Variants in PRKCQ observed in about 807,000 individuals in gnomAD.
The protein encoded by PRKCQ is protein kinase C theta type.
A neutral mutation model predicts 91.2 loss-of-function variants in PRKCQ; 41 were observed. That is an observed-to-expected ratio of 0.45 (90% confidence interval 0.35 to 0.58). PRKCQ has a LOEUF of 0.58. PRKCQ is among the 20% of genes least tolerant of loss of function. PRKCQ has a pLI of 0.00. For missense variants in PRKCQ, 673 were observed against 896.5 expected (o/e 0.75, Z 3.18); for synonymous variants, 307 against 316.9 (o/e 0.97, Z 0.33).
chr10:6,401,728 G>A, the PRKCQ span, among the ~76,000 whole-genome samples: 27 of 152,232 alleles, frequency 1.8e-4, no homozygotes, highest in African/African-American at 6.3e-4. Flanking sequence ...CTGTTGACCC[G>A]CCGTCTCTTT....
chr10:6,546,155 G>A (rs1047923650), intron 1 of PRKCQ, among the ~76,000 whole-genome samples: 9 of 152,194 alleles, frequency 5.9e-5, no homozygotes, highest in Non-Finnish European at 1.2e-4. Context: ...ATATCTAACT[G>A]CAAATGTTAG....
At chr10:6,505,515 TC>T (rs1838153385) in intron 4 of PRKCQ, among the ~76,000 whole-genome samples, 1 of 106,176 alleles carries the variant, frequency 9.4e-6, no homozygotes, top group Non-Finnish European at 2.3e-5. Flanking sequence ...CTTCCTTCCT[TC>T]CTTTTCTTTC....
chr10:6,395,174 C>T, the PRKCQ span, among the ~76,000 whole-genome samples: 2 of 151,222 alleles, frequency 1.3e-5, no homozygotes, highest in Non-Finnish European at 2.9e-5. Context: ...CGCCATTCTC[C>T]CGCTTCAGCC....
the PRKCQ span, among the ~76,000 whole-genome samples, chr10:6,419,254 TG>T: frequency 6.6e-6 from 1 of 152,222 alleles, no homozygotes; most frequent in African/African-American, 2.4e-5. Context: ...TGTGTACATA[TG>T]TGTATACGTG....
intron 4 of PRKCQ, among the ~76,000 whole-genome samples, chr10:6,501,931 C>T (rs1319151214): frequency 6.6e-6 from 1 of 152,076 alleles, no homozygotes; most frequent in Non-Finnish European, 1.5e-5. Context: ...ATTGAGGCAT[C>T]CCCAGAAACC....
chr10:6,576,561 C>T lies in PRKCQ; in HGVS notation c.-10+3650G>A, dbSNP rs1019900869. ...GCTGAGAGGAAAGACGGATGAGGAA[C>T]GAATGTTCCACGAGGACAGAGTTTC... On this transcript the variant is annotated intron_variant, in intron 1 of 17. Transcript: ENST00000263125. This position sits in a 1 kb window ranked among gnomAD's most constrained non-coding sequence, Gnocchi z 4.2. 2.6e-5 allele frequency among the ~76,000 whole-genome samples: 4 copies of T among 152,072 alleles called. No individual in the cohort carries two copies. The highest frequency in any genetic ancestry group is 3.2e-3 in the Middle Eastern group (1 of 316).
intron 1 of PRKCQ, among the ~76,000 whole-genome samples, chr10:6,535,998 G>C (rs1839569213): frequency 1.3e-5 from 2 of 152,120 alleles, no homozygotes; most frequent in African/African-American, 4.8e-5. Context: ...CTGAGCAGTG[G>C]AGTCAGGCCC....
intron 14 of PRKCQ, among the ~76,000 whole-genome samples, chr10:6,460,833 TCCATCCATC>T (rs1295274820): frequency 2.0e-5 from 3 of 151,888 alleles, no homozygotes; most frequent in Non-Finnish European, 2.9e-5. Context: ...TCACCATCCA[TCCATCCATC>T]CCATCCATCC....
intron 1 of PRKCQ, among the ~76,000 whole-genome samples, chr10:6,552,747 G>T (rs1840238393): frequency 6.6e-6 from 1 of 152,180 alleles, no homozygotes; most frequent in South Asian, 2.1e-4. Flanking sequence ...GATCACAGGT[G>T]TGAGTCGCTG....
chr10:6,486,124 G>A lies in PRKCQ; in HGVS notation c.811C>T (p.His271Tyr), dbSNP rs1836905668. Residue 271 changes from histidine to tyrosine, a missense_variant, in exon 9 of 18, where the codon CAT becomes TAT. His to Tyr is a moderately conservative substitution (Grantham distance 83, BLOSUM62 2). Coordinates refer to ENST00000263125, the MANE Select transcript of PRKCQ (RefSeq NM_006257.5). ...KCDACGMNVH[H>Y]RCQTKVANLC... ...TTGGCCACCTTTGTCTGGCATCTAT[G>A]ATGCACATTCATGCCACATGCTGGA... The A allele has an allele frequency of 1.2e-6, 2 of 1,614,136 alleles. No individual in the cohort carries two copies. The highest frequency in any genetic ancestry group is 1.7e-6 in the Non-Finnish European group (2 of 1,179,998).
At chr10:6,492,538 T>A (rs1208383051) in intron 7 of PRKCQ, among the ~76,000 whole-genome samples, 3 of 152,150 alleles carry the variant, frequency 2.0e-5, no homozygotes. Context: ...GACACGCAGC[T>A]CTAGAGCTGG....
Position 6,464,996 on chromosome 10 carries a change from T to C in PRKCQ, c.1354-592A>G, listed in dbSNP as rs114403624. ...GCGGGGGGCACAAGGGAGAGTCCAG[T>C]TGACCTGCTGGCCAGACAATGGGAT... On this transcript the variant is annotated intron_variant, in intron 12 of 17. Transcript: ENST00000263125. Among the ~76,000 whole-genome samples, 1,329 of 152,234 alleles carry C rather than the reference T, an allele frequency of 8.7e-3. 21 individuals are homozygous for C. Among genetic ancestry groups the C allele is most frequent in the African/African-American group, 0.03 (1,228 of 41,542 alleles).
intron 13 of PRKCQ, among the ~76,000 whole-genome samples, chr10:6,463,253 C>A (rs1243954246): frequency 6.6e-6 from 1 of 152,108 alleles, no homozygotes; most frequent in Non-Finnish European, 1.5e-5. Flanking sequence ...ATGAGTTTAC[C>A]CCATCACTGG....
intron 15 of PRKCQ, among the ~76,000 whole-genome samples, chr10:6,450,936 G>C (rs990107637): frequency 2.6e-4 from 39 of 152,190 alleles, no homozygotes; most frequent in African/African-American, 9.4e-4. Context: ...AGTGTGTAGA[G>C]GGAAATTTAT....
chr10:6,406,743 A>G, the PRKCQ span, among the ~76,000 whole-genome samples: 1 of 152,152 alleles, frequency 6.6e-6, no homozygotes, highest in Non-Finnish European at 1.5e-5. Context: ...CACTGAGGGA[A>G]TGGCTCACCG....
the PRKCQ span, among the ~76,000 whole-genome samples, chr10:6,412,239 A>G: frequency 2.0e-5 from 3 of 152,142 alleles, no homozygotes; most frequent in African/African-American, 7.2e-5. Flanking sequence ...AATGTGATGG[A>G]TTTATGGTAA....
At chr10:6,527,843 T>C (rs1040230871) in intron 1 of PRKCQ, among the ~76,000 whole-genome samples, 3 of 152,186 alleles carry the variant, frequency 2.0e-5, no homozygotes, top group Non-Finnish European at 4.4e-5. Context: ...CCTATGCCGA[T>C]TGCAACCCTA....
chr10:6,402,009 G>A, the PRKCQ span, among the ~76,000 whole-genome samples: 1 of 152,116 alleles, frequency 6.6e-6, no homozygotes, highest in African/African-American at 2.4e-5. Flanking sequence ...AGTGACTCAA[G>A]TCCAAAATAG....
intron 1 of PRKCQ, among the ~76,000 whole-genome samples, chr10:6,517,221 A>G (rs1002774779): frequency 2.6e-5 from 4 of 152,190 alleles, no homozygotes; most frequent in African/African-American, 4.8e-5. Flanking sequence ...GGTGATCATG[A>G]TGAAAAATAA....
Sources: gnomAD v4.1 joint callset for allele counts (sites outside exome capture counted in the v4.1 genomes callset) on GRCh38, gnomAD v4.1.1 for gene constraint, Gnocchi (gnomAD v3.1) non-coding constraint, MANE v1.5 for transcripts, NCBI Gene and HGNC (gene_info 2026-07-23, HGNC 2026-07-21) for gene names.